The following NAV2 variants were observed in gnomAD, a reference collection of about 807,000 sequenced individuals.
NAV2 encodes the protein neuron navigator 2, also known as helicase, APC down-regulated 1.
In NAV2, 54 loss-of-function variants were observed where a neutral mutation model predicts 223.2. The observed-to-expected ratio is 0.24, with a 90% CI of 0.19 to 0.30. The LOEUF is 0.30. NAV2 is among the 10% of genes least tolerant of loss of function. NAV2 has a pLI of 1.00. For missense variants in NAV2, 2,806 were observed against 3,147.5 expected, an observed-to-expected ratio of 0.89 and a Z score of 2.60; for synonymous variants, 1,279 against 1,239.3, an observed-to-expected ratio of 1.03 and a Z score of -0.67.
intron 1 of NAV2, among the ~76,000 whole-genome samples, chr11:19,396,159 T>TGAGAGG (rs1198104657): frequency 2.0e-5 from 3 of 152,202 alleles, no homozygotes; most frequent in African/African-American, 7.2e-5. Context: ...TCTCAGCAGC[T>TGAGAGG]ATGAAAATAC....
chr11:19,521,475 T>C (rs191649993), intron 1 of NAV2, among the ~76,000 whole-genome samples: 10 of 152,258 alleles, frequency 6.6e-5, no homozygotes, highest in African/African-American at 2.4e-4. Flanking sequence ...AATTAGATAA[T>C]GTACATAAGT....
chr11:19,677,526 A>G (rs2048749869), intron 1 of NAV2, among the ~76,000 whole-genome samples: 1 of 152,260 alleles, frequency 6.6e-6, no homozygotes, highest in Non-Finnish European at 1.5e-5. Context: ...AAAGTCACAC[A>G]GCTTGTCAGT....
At chr11:19,740,797 A>G (rs546024539) in intron 1 of NAV2, among the ~76,000 whole-genome samples, 5 of 152,228 alleles carry the variant, frequency 3.3e-5, no homozygotes, top group Admixed American at 6.5e-5. Context: ...CAAAAAGCCT[A>G]TAAGGTAGAC....
chr11:20,065,159 T>C (rs1421787987), intron 20 of NAV2, among the ~76,000 whole-genome samples: 1 of 152,246 alleles, frequency 6.6e-6, no homozygotes, highest in African/African-American at 2.4e-5. Context: ...TTATCTGTTA[T>C]TACATTCTTC....
At chr11:19,843,051 G>C (rs2060593328) in intron 3 of NAV2, 128 bp downstream of exon 3, 1 of 736,390 alleles carries the variant, frequency 1.4e-6, no homozygotes, top group Non-Finnish European at 2.3e-6. Flanking sequence ...TAAACTCACA[G>C]CTATTTCCAA....
At chr11:20,088,651 C>T (rs916627166) in intron 26 of NAV2, among the ~76,000 whole-genome samples, 20 of 152,152 alleles carry the variant, frequency 1.3e-4, no homozygotes, top group Admixed American at 1.3e-4. Flanking sequence ...GGGTTTAGGC[C>T]AAGCTCTGCA....
chr11:19,743,282 G>A (rs1373042412), intron 1 of NAV2, among the ~76,000 whole-genome samples: 1 of 152,214 alleles, frequency 6.6e-6, no homozygotes. Context: ...TCCAAAGTGA[G>A]GCCAGTACTT....
At chr11:19,405,940 T>C (rs1184026369) in intron 1 of NAV2, among the ~76,000 whole-genome samples, 1 of 152,196 alleles carries the variant, frequency 6.6e-6, no homozygotes. Flanking sequence ...TGGTTTGGAT[T>C]GCTAATTTGA....
Position 20,068,189 on chromosome 11 carries a change from G to A in NAV2, c.4888G>A (p.Glu1630Lys), listed in dbSNP as rs1306835568. The change falls in exon 21 of 38, where the codon GAA becomes AAA. Residue 1630 changes from glutamate to lysine, a missense_variant. Coordinates refer to ENST00000349880, the MANE Select transcript of NAV2 (RefSeq NM_145117.5). ...TTCCTTTATGTTTTCTTTACAGCCA[G>A]AAGAAAAATGCCAGTCAGAGGTAAG... ...SSTSSVYSTP[E>K]EKCQSEIRKL... The A allele has an allele frequency of 6.2e-7, 1 of 1,613,948 alleles. No individual in the cohort carries two copies. Among genetic ancestry groups the A allele is most frequent in the South Asian group, 1.1e-5 (1 of 91,082 alleles).
chr11:19,903,446 G>T (rs2042610035), intron 6 of NAV2, among the ~76,000 whole-genome samples: 1 of 152,134 alleles, frequency 6.6e-6, no homozygotes, highest in Admixed American at 6.6e-5. Context: ...TGTGGACAAT[G>T]CACAGATAAC....
At chr11:19,578,181 G>C (rs1417612961) in intron 1 of NAV2, among the ~76,000 whole-genome samples, 1 of 152,216 alleles carries the variant, frequency 6.6e-6, no homozygotes, top group Non-Finnish European at 1.5e-5. Flanking sequence ...CCAGTGCAGA[G>C]TGCCTCTGCC....
intron 1 of NAV2, among the ~76,000 whole-genome samples, chr11:19,770,231 G>A (rs1370680492): frequency 6.8e-6 from 1 of 147,904 alleles, no homozygotes; most frequent in African/African-American, 2.5e-5. Flanking sequence ...ACAGTTCTGT[G>A]GCAGGAATTT....
At chr11:19,723,107 C>G (rs2050904861) in intron 1 of NAV2, among the ~76,000 whole-genome samples, 1 of 152,176 alleles carries the variant, frequency 6.6e-6, no homozygotes, top group Admixed American at 6.5e-5. Flanking sequence ...CCGCCCCTAC[C>G]TTGGATGGAG....
At chr11:19,354,362 C>T (rs896699416) in intron 1 of NAV2, among the ~76,000 whole-genome samples, 2 of 152,168 alleles carry the variant, frequency 1.3e-5, no homozygotes, top group Non-Finnish European at 1.5e-5. Context: ...ACTAGTGTGG[C>T]CAAATTTTAA....
At chr11:19,707,734 TA>T (rs1015328764) in intron 1 of NAV2, among the ~76,000 whole-genome samples, 11 of 152,234 alleles carry the variant, frequency 7.2e-5, no homozygotes, top group African/African-American at 2.7e-4. Flanking sequence ...TATAAAGTAT[TA>T]GGCACTGTAC....
intron 9 of NAV2, 87 bp downstream of exon 9, chr11:19,946,596 GT>G: frequency 1.8e-6 from 2 of 1,107,174 alleles, no homozygotes; most frequent in Non-Finnish European, 2.6e-6. Flanking sequence ...AAGCGATTTG[GT>G]TATAATGGAT....
chr11:19,814,037 C>CT (rs2058967523), intron 1 of NAV2, among the ~76,000 whole-genome samples: 3 of 152,162 alleles, frequency 2.0e-5, no homozygotes, highest in African/African-American at 7.2e-5. Context: ...CTTTGTGCTG[C>CT]TTTTTTGTTT....
At chr11:20,064,461 G>T (rs1305287917) in intron 20 of NAV2, among the ~76,000 whole-genome samples, 3 of 152,192 alleles carry the variant, frequency 2.0e-5, no homozygotes, top group Non-Finnish European at 4.4e-5. Flanking sequence ...ATTCCCAAGG[G>T]TTCTTGCCAA....
chr11:19,704,215 A>G (rs901838853), intron 1 of NAV2, among the ~76,000 whole-genome samples: 5 of 152,176 alleles, frequency 3.3e-5, no homozygotes, highest in African/African-American at 1.2e-4. Context: ...CCTTATTATT[A>G]AGACCATTGT....
Sources: allele counts gnomAD v4.1 joint callset (sites outside exome capture counted in the v4.1 genomes callset), GRCh38; gene constraint gnomAD v4.1.1; transcripts MANE v1.5; gene names NCBI Gene and HGNC (gene_info 2026-07-23, HGNC 2026-07-21).